TEC: variants seen among roughly 807,000 people sequenced by gnomAD.
TEC encodes the protein tyrosine-protein kinase Tec.
In TEC, 72 loss-of-function variants were observed where a neutral mutation model predicts 93.0. The ratio of observed to expected loss-of-function variants is 0.77; its 90% CI spans 0.64 to 0.94. The LOEUF is 0.94. Ranked by LOEUF, TEC falls within the 40% of genes least tolerant of loss-of-function variation. TEC has a pLI of 0.00. For synonymous variants in TEC, 249 were observed against 247.7 expected, an observed-to-expected ratio of 1.01 and a Z score of -0.05; for missense variants, 630 against 757.9, an observed-to-expected ratio of 0.83 and a Z score of 1.98.
intron 2 of TEC, among the ~76,000 whole-genome samples, chr4:48,219,048 C>T (rs1268910855): frequency 1.3e-5 from 2 of 152,092 alleles, no homozygotes; most frequent in Non-Finnish European, 1.5e-5. Context: ...AGTCATAATA[C>T]AAATTAGATA....
At chr4:48,247,542 A>G (rs1222954734) in intron 1 of TEC, among the ~76,000 whole-genome samples, 5 of 152,224 alleles carry the variant, frequency 3.3e-5, no homozygotes, top group Non-Finnish European at 5.9e-5. Flanking sequence ...ACAATGAAAT[A>G]TGATATTATT....
At position 48,156,673 on chromosome 4, in the gene TEC, CACTT is replaced by C. The variant is rs1330579509; in HGVS notation, c.792+3_792+6del. On this transcript the variant is annotated splice_donor_5th_base_variant and intron_variant, in intron 9 of 17. Coordinates refer to ENST00000381501, the MANE Select transcript of TEC (RefSeq NM_003215.3). ...CTTAAGCCAAACCCACAAGTACAAA[CACTT>C]ACTTCACTGCGGAGGAGTTGCTCTG... 6.8e-6 allele frequency: 11 copies of C among 1,608,968 alleles called. No individual in the cohort carries two copies. Among genetic ancestry groups the C allele is most frequent in the East Asian group, 2.2e-5 (1 of 44,694 alleles).
In TEC at chr4:48,145,213, C is replaced by T. The variant is rs1719853568; in HGVS notation, c.1336G>A (p.Glu446Lys). The T allele has an allele frequency of 6.2e-7, 1 of 1,614,114 alleles. No homozygotes were observed. Among genetic ancestry groups the T allele is most frequent in the Non-Finnish European group, 8.5e-7 (1 of 1,180,020 alleles). Residue 446 changes from glutamate (E) to lysine (K), a missense_variant, in exon 14 of 18, where the codon GAA becomes AAA. Coordinates refer to ENST00000381501, the MANE Select transcript of TEC (RefSeq NM_003215.3). ...KPIYIVTEFMERGCLLNFLRQ... is the reference protein window; with the variant it reads ...KPIYIVTEFMKRGCLLNFLRQ... Reference sequence around the variant, plus strand: ...AGGAAATTCAGAAGGCAGCCCCTTTCCATGAACTCAGTAACAATGTATATT... The same window carrying T: ...AGGAAATTCAGAAGGCAGCCCCTTTTCATGAACTCAGTAACAATGTATATT...
At chr4:48,144,511 G>A (rs1719820720) in intron 14 of TEC, among the ~76,000 whole-genome samples, 3 of 152,154 alleles carry the variant, frequency 2.0e-5, no homozygotes, top group South Asian at 4.1e-4. Context: ...GTGAGAACAG[G>A]TGAGAAGGGA....
chr4:48,178,769 C>T (rs1269041425), intron 2 of TEC, among the ~76,000 whole-genome samples: 1 of 152,176 alleles, frequency 6.6e-6, no homozygotes, highest in Non-Finnish European at 1.5e-5. Context: ...CAGACGCATT[C>T]AGGGCTCTCC....
At chr4:48,214,478 A>G (rs1723008942) in intron 2 of TEC, among the ~76,000 whole-genome samples, 2 of 152,236 alleles carry the variant, frequency 1.3e-5, no homozygotes, top group South Asian at 2.1e-4. Context: ...ATGATGCAAA[A>G]GCAATACATA....
At chr4:48,254,072 T>C (rs572288388) in intron 1 of TEC, among the ~76,000 whole-genome samples, 1 of 152,198 alleles carries the variant, frequency 6.6e-6, no homozygotes, top group Non-Finnish European at 1.5e-5. Flanking sequence ...ACGTAATCTC[T>C]TTTATGAAGT....
chr4:48,150,303 C>T (rs899599053), intron 10 of TEC, among the ~76,000 whole-genome samples: 3 of 152,156 alleles, frequency 2.0e-5, no homozygotes, highest in Admixed American at 6.5e-5. Context: ...TACTCTCTCC[C>T]GTCTAGGTCC....
At chr4:48,178,181 G>GTGTATATC (rs79587423) in intron 2 of TEC, among the ~76,000 whole-genome samples, 57,202 of 151,438 alleles carry the variant, frequency 0.38, 11,767 homozygotes, top group East Asian at 0.9. Flanking sequence ...ATCAGCCCTT[G>GTGTATATC]TGTAGTGAAG....
chr4:48,139,687 A>T (rs1400292805), intron 15 of TEC, among the ~76,000 whole-genome samples: 2 of 152,236 alleles, frequency 1.3e-5, no homozygotes, highest in South Asian at 2.1e-4. Context: ...ACTTTAGGGG[A>T]GAATCCTTGA....
intron 2 of TEC, among the ~76,000 whole-genome samples, chr4:48,217,597 A>T (rs1457496459): frequency 6.6e-6 from 1 of 152,194 alleles, no homozygotes; most frequent in Non-Finnish European, 1.5e-5. Flanking sequence ...TAGTCATGAG[A>T]TAGCTGGCAT....
In TEC at chr4:48,136,078, A is replaced by G. The variant is rs1719400796; in HGVS notation, c.*1338T>C. ...CAACAGCAAGAATAACGTGTTGGGC[A>G]ATAAACGGTCTCTGGATGACTGATA... On this transcript the variant is annotated 3_prime_UTR_variant, in exon 18 of 18. Transcript: ENST00000381501. 6.6e-6 allele frequency: 1 copy of G among 152,232 alleles called. No individual in the cohort carries two copies. The highest frequency in any genetic ancestry group is 1.5e-5 in the Non-Finnish European group (1 of 68,036). 9.4% of individuals were successfully genotyped at this position (152,232 alleles called of 1,614,324 possible). A position where few individuals can be genotyped will look rare whatever the true frequency, so the allele number is the denominator to read the frequency against.
chr4:48,161,248 G>C (rs887676260), intron 8 of TEC, among the ~76,000 whole-genome samples: 1 of 152,126 alleles, frequency 6.6e-6, no homozygotes, highest in Non-Finnish European at 1.5e-5. Flanking sequence ...ATCTTAGCTT[G>C]TTCTCTAATT....
At chr4:48,225,468 C>G (rs369473562) in intron 2 of TEC, among the ~76,000 whole-genome samples, 5 of 152,166 alleles carry the variant, frequency 3.3e-5, no homozygotes, top group African/African-American at 4.8e-5. Flanking sequence ...TGAGCCACCA[C>G]GACCGGCCCT....
intron 17 of TEC, 114 bp downstream of exon 17, chr4:48,138,551 T>C (rs989740929): frequency 7.9e-6 from 10 of 1,263,438 alleles, no homozygotes; most frequent in East Asian, 4.7e-5. Context: ...TACCTAGAGC[T>C]TGAAATCACT....
chr4:48,192,888 C>T (rs1722141149), intron 2 of TEC, among the ~76,000 whole-genome samples: 1 of 152,152 alleles, frequency 6.6e-6, no homozygotes, highest in African/African-American at 2.4e-5. Flanking sequence ...CTCTTTATCA[C>T]CCCTTCTTCA....
chr4:48,256,507 C>T (rs1479321547), intron 1 of TEC, among the ~76,000 whole-genome samples: 3 of 145,998 alleles, frequency 2.1e-5, no homozygotes, highest in East Asian at 2.1e-4. Context: ...GAGGGAGGAT[C>T]GCTTGACCCT....
At chr4:48,232,978 C>T (rs905144468) in intron 1 of TEC, among the ~76,000 whole-genome samples, 1 of 152,326 alleles carries the variant, frequency 6.6e-6, no homozygotes, top group South Asian at 2.1e-4. Flanking sequence ...ATCCTCTCCA[C>T]TTCCATGCCA....
chr4:48,217,499 G>T (rs1028597227), intron 2 of TEC, among the ~76,000 whole-genome samples: 3 of 152,200 alleles, frequency 2.0e-5, no homozygotes, highest in African/African-American at 7.2e-5. Context: ...CCATGACAAT[G>T]AAAGTAGGAG....
Sources: allele counts gnomAD v4.1 joint callset (sites outside exome capture counted in the v4.1 genomes callset), GRCh38; gene constraint gnomAD v4.1.1; transcripts MANE v1.5; gene names NCBI Gene and HGNC (gene_info 2026-07-23, HGNC 2026-07-21).